Variants in PRUNE1 observed in about 807,000 individuals in gnomAD.
The protein encoded by PRUNE1 is prune exopolyphosphatase 1.
Under a neutral mutation model 42.5 loss-of-function variants are expected in PRUNE1, and 25 were observed. The ratio of observed to expected loss-of-function variants is 0.59; its 90% CI spans 0.43 to 0.82. PRUNE1 has a LOEUF of 0.82. PRUNE1 is among the 40% of genes least tolerant of loss of function. PRUNE1 has a pLI of 0.00. For missense variants in PRUNE1, 443 were observed against 539.3 expected (o/e 0.82, Z 1.77); for synonymous variants, 203 against 217.1 (o/e 0.93, Z 0.57).
chr1:151,015,340 A>G (rs1168861539), intron 1 of PRUNE1, among the ~76,000 whole-genome samples: 1 of 146,984 alleles, frequency 6.8e-6, no homozygotes, highest in Non-Finnish European at 1.5e-5. Flanking sequence ...CTGAAAAAAA[A>G]AAAAAAAAAC....
Position 151,028,887 on chromosome 1 carries a change from C to A in PRUNE1, c.876C>A (p.His292Gln), listed in dbSNP as rs371233705. ...LVAMTIFFNT[H>Q]NEPVRQLAIF... Reference sequence around the variant, plus strand: ...CCATGACTATCTTTTTCAACACTCACAATGAGCCAGTGCGGCAGTTGGCTA... The same window carrying A: ...CCATGACTATCTTTTTCAACACTCAAAATGAGCCAGTGCGGCAGTTGGCTA... Residue 292 changes from histidine (H) to glutamine (Q), a missense_variant, in exon 7 of 8, where the codon CAC becomes CAA. His to Gln is a conservative substitution (Grantham distance 24, BLOSUM62 0). Transcript: ENST00000271620. 9 of 1,613,790 alleles carry A rather than the reference C, an allele frequency of 5.6e-6. No individual in the cohort carries two copies. The highest frequency in any genetic ancestry group is 3.4e-6 in the Non-Finnish European group (4 of 1,179,804).
Position 151,034,844 on chromosome 1 carries a change from T to G in PRUNE1, c.*610T>G, listed in dbSNP as rs1675462341. The G allele has an allele frequency of 6.4e-6, 1 of 156,754 alleles. No individual in the cohort carries two copies. The highest frequency in any genetic ancestry group is 1.4e-5 in the Non-Finnish European group (1 of 70,596). The allele number at this position is 156,754 out of a possible 1,614,324, so 9.7% of individuals were successfully genotyped here. On this transcript the variant is annotated 3_prime_UTR_variant, in exon 8 of 8. Transcript: ENST00000271620. ...TATTGTGACTGTTTCAGATCTAGTT[T>G]GGGAACAGATTAGAGGCCATTGTCT... is the stretch of plus-strand genomic sequence containing the variant.
intron 7 of PRUNE1, among the ~76,000 whole-genome samples, chr1:151,029,812 C>G (rs1295912350): frequency 6.6e-6 from 1 of 151,900 alleles, no homozygotes; most frequent in African/African-American, 2.4e-5. Flanking sequence ...ATTAGAAATA[C>G]GAGAGACCTT....
intron 4 of PRUNE1, 29 bp downstream of exon 4, chr1:151,024,824 A>G: frequency 6.3e-7 from 1 of 1,583,544 alleles, no homozygotes. Context: ...TTGGGACCTC[A>G]GTAGTTCTAT....
intron 3 of PRUNE1, among the ~76,000 whole-genome samples, chr1:151,020,832 A>G (rs1674376568): frequency 1.3e-5 from 2 of 151,876 alleles, no homozygotes; most frequent in Admixed American, 1.3e-4. Flanking sequence ...AATACAAAAA[A>G]TTAGCCGGGC....
At chr1:151,028,078 G>A (rs1455485094) in intron 6 of PRUNE1, among the ~76,000 whole-genome samples, 1 of 151,964 alleles carries the variant, frequency 6.6e-6, no homozygotes, top group Non-Finnish European at 1.5e-5. Flanking sequence ...GAACCATTAA[G>A]CTCATTCCCA....
intron 6 of PRUNE1, among the ~76,000 whole-genome samples, chr1:151,027,952 T>A (rs1345142863): frequency 5.3e-5 from 8 of 152,108 alleles, no homozygotes; most frequent in Non-Finnish European, 1.2e-4. Flanking sequence ...GGACTTACTG[T>A]GGTTTACAGC....
rs947390047 is a variant in PRUNE1, at chr1:151,033,840, C to G, written c.968C>G (p.Pro323Arg). ...GTCCTGGAACGCTCCCACTCTCCAC[C>G]CCTGAAGCTGACCCCTGCCTCAAGT... ...CEVLERSHSP[P>R]LKLTPASSTH... is the part of the protein sequence containing the mutation. Residue 323 changes from proline to arginine, a missense_variant, in exon 8 of 8, where the codon CCC becomes CGC. Pro to Arg is a moderately radical substitution (Grantham distance 103, BLOSUM62 -2). Coordinates refer to ENST00000271620, the MANE Select transcript of PRUNE1 (RefSeq NM_021222.3). 5 of 1,613,952 alleles carry G rather than the reference C, an allele frequency of 3.1e-6. No homozygotes were observed. Among genetic ancestry groups the G allele is most frequent in the Non-Finnish European group, 8.5e-7 (1 of 1,179,976 alleles).
chr1:151,024,585 C>T (rs748239499), intron 3 of PRUNE1, 26 bp from the exon 4 acceptor site: 5 of 1,572,880 alleles, frequency 3.2e-6, no homozygotes, highest in Non-Finnish European at 4.4e-6. Flanking sequence ...CTTTCTTCCT[C>T]TTTTCCCATA....
intron 2 of PRUNE1, 112 bp from the exon 3 acceptor site, chr1:151,018,355 T>G: frequency 1.1e-6 from 1 of 947,910 alleles, no homozygotes; most frequent in Non-Finnish European, 1.7e-6. Flanking sequence ...ACTTATGGCT[T>G]TGAGAAAGGT....
intron 7 of PRUNE1, among the ~76,000 whole-genome samples, chr1:151,029,998 TC>T (rs1263434006): frequency 5.9e-5 from 9 of 151,868 alleles, no homozygotes; most frequent in African/African-American, 9.7e-5. Flanking sequence ...GTGCGGTGGC[TC>T]ACACCTGTAA....
intron 3 of PRUNE1, among the ~76,000 whole-genome samples, chr1:151,024,209 T>G: frequency 6.9e-6 from 1 of 145,788 alleles, no homozygotes; most frequent in Admixed American, 6.9e-5. Context: ...AAAAAAGAAT[T>G]GAGAGGAGTT....
chr1:151,026,925 C>T (rs1674877650), intron 5 of PRUNE1, among the ~76,000 whole-genome samples: 1 of 148,170 alleles, frequency 6.7e-6, no homozygotes, highest in Middle Eastern at 3.4e-3. Context: ...GCTGGGATTA[C>T]AAGTGCCCGC....
intron 1 of PRUNE1, among the ~76,000 whole-genome samples, chr1:151,011,864 C>T (rs987864464): frequency 1.3e-5 from 2 of 151,838 alleles, no homozygotes. Flanking sequence ...CTGCAACCTC[C>T]GCCTGCCAGG....
chr1:151,029,475 G>C (rs1348912946), intron 7 of PRUNE1, among the ~76,000 whole-genome samples: 2 of 143,334 alleles, frequency 1.4e-5, no homozygotes, highest in African/African-American at 2.6e-5. Flanking sequence ...TAACGCCATT[G>C]TCCTGCCTCA....
chr1:151,014,088 T>C (rs143629260), intron 1 of PRUNE1, among the ~76,000 whole-genome samples: 6,427 of 152,036 alleles, frequency 0.042, 444 homozygotes, highest in African/African-American at 0.15. Context: ...CAAAAGATTC[T>C]CCTGCCTCAG....
chr1:151,019,581 G>T (rs12145224), intron 3 of PRUNE1, among the ~76,000 whole-genome samples: 2 of 145,220 alleles, frequency 1.4e-5, no homozygotes, highest in African/African-American at 2.5e-5. Flanking sequence ...AAAAGATTCT[G>T]AGACAGATTT....
rs1307518208 is a variant in PRUNE1 at position 151,024,754 on chromosome 1, C to A, written c.479C>A (p.Ala160Glu). Residue 160 changes from alanine (A) to glutamate (E), a missense_variant, in exon 4 of 8, where the codon GCA (alanine) becomes GAA (glutamate). Physicochemically the swap from Ala to Glu is moderately radical, Grantham distance 107 (BLOSUM62 -1). Coordinates refer to ENST00000271620, the MANE Select transcript of PRUNE1 (RefSeq NM_021222.3). ...TLVTERILQGAPEILDRQTAA... is the reference protein window; with the variant it reads ...TLVTERILQGEPEILDRQTAA... ...GTGACCGAGAGAATCCTGCAGGGGG[C>A]ACCAGAGATCTTGGACAGGCAAACT... 6.2e-7 allele frequency: 1 copy of A among 1,613,880 alleles called. No individual in the cohort carries two copies. Among genetic ancestry groups the A allele is most frequent in the Non-Finnish European group, 8.5e-7 (1 of 1,179,960 alleles).
At chr1:151,015,468 T>C (rs963006728) in intron 1 of PRUNE1, among the ~76,000 whole-genome samples, 10 of 151,552 alleles carry the variant, frequency 6.6e-5, no homozygotes, top group African/African-American at 2.4e-4. Context: ...ACCCCGTCTC[T>C]ACTAAAAATA....
Sources: allele counts gnomAD v4.1 joint callset (sites outside exome capture counted in the v4.1 genomes callset), GRCh38; gene constraint gnomAD v4.1.1; transcripts MANE v1.5; gene names NCBI Gene and HGNC (gene_info 2026-07-23, HGNC 2026-07-21).